Variants in ATG10 observed in about 807,000 individuals in gnomAD.
The protein encoded by ATG10 is ubiquitin-like-conjugating enzyme ATG10.
A neutral mutation model predicts 32.1 loss-of-function variants in ATG10; 30 were observed. The observed-to-expected ratio is 0.94, with a 90% CI of 0.70 to 1.27. ATG10 has a LOEUF of 1.27. Among genes scored for constraint, ATG10 ranks in the 50% most tolerant of loss-of-function variants. The probability of loss-of-function intolerance (pLI) is 0.00; values close to 1 mark genes in which losing one functional copy is unlikely to be tolerated. For missense variants in ATG10, 233 were observed against 262.3 expected (o/e 0.89, Z 0.77); for synonymous variants, 87 against 91.5 (o/e 0.95, Z 0.28).
At chr5:82,049,256 G>T (rs906555355) in intron 2 of ATG10, among the ~76,000 whole-genome samples, 2 of 152,014 alleles carry the variant, frequency 1.3e-5, no homozygotes, top group Non-Finnish European at 2.9e-5. Context: ...TAGGGACGCG[G>T]ATGAAATTGG....
At chr5:82,131,411 AGTGTGACTGTTATTT>A (rs982640488) in intron 3 of ATG10, among the ~76,000 whole-genome samples, 13 of 152,296 alleles carry the variant, frequency 8.5e-5, no homozygotes, top group African/African-American at 2.9e-4. Context: ...CAGAGGTTGA[AGTGTGACTGTTATTT>A]GTGTGACATT....
chr5:82,052,688 CAGTGT>C (rs1763468547), intron 2 of ATG10, among the ~76,000 whole-genome samples: 1 of 152,116 alleles, frequency 6.6e-6, no homozygotes, highest in Non-Finnish European at 1.5e-5. Context: ...CGGATATATT[CAGTGT>C]ACACATAGCC....
At chr5:82,009,302 G>A (rs754641471) in intron 2 of ATG10, among the ~76,000 whole-genome samples, 2 of 151,676 alleles carry the variant, frequency 1.3e-5, no homozygotes, top group Admixed American at 6.6e-5. Flanking sequence ...TTTTTTTCTC[G>A]TTAAGGTAAT....
chr5:81,988,430 C>T (rs930069757), intron 2 of ATG10, among the ~76,000 whole-genome samples: 5 of 152,182 alleles, frequency 3.3e-5, no homozygotes, highest in Non-Finnish European at 5.9e-5. Context: ...TGAGCCACCA[C>T]ACCCAGCCCC....
intron 1 of ATG10, among the ~76,000 whole-genome samples, chr5:81,985,846 T>G (rs1761249393): frequency 6.6e-6 from 1 of 152,202 alleles, no homozygotes; most frequent in Non-Finnish European, 1.5e-5. Flanking sequence ...CACTGCAAGC[T>G]CCGCCTCCCG....
At chr5:82,144,136 A>G (rs982135753) in intron 3 of ATG10, among the ~76,000 whole-genome samples, 1 of 151,850 alleles carries the variant, frequency 6.6e-6, no homozygotes, top group African/African-American at 2.4e-5. Flanking sequence ...ATGTTTTCTT[A>G]TTATCCTTTT....
chr5:82,206,530 G>A lies in ATG10; in HGVS notation c.453+27943G>A, dbSNP rs572131658. 2.0e-5 allele frequency among the ~76,000 whole-genome samples: 3 copies of A among 151,672 alleles called. No homozygotes were observed. In the South Asian group the frequency reaches 6.3e-4, roughly 32 times the overall value. On this transcript the variant is annotated intron_variant, in intron 5 of 7. Transcript: ENST00000282185. ...CCAGGCTTGGTGGCATGTGCCTGTG[G>A]TCCCAGCTACTAGGGAGGCTGAGGC...
rs111836993 is a variant in ATG10 at position 82,139,990 on chromosome 5, C to T, written c.217-24409C>T. 2.2e-3 allele frequency among the ~76,000 whole-genome samples: 275 copies of T among 123,070 alleles called. 1 individual carries two copies. Among genetic ancestry groups the T allele is most frequent in the Non-Finnish European group, 2.2e-3 (123 of 56,926 alleles). 80.7% of individuals were successfully genotyped at this position (123,070 alleles called of 152,430 possible). On this transcript the variant is annotated intron_variant, in intron 3 of 7. Coordinates refer to ENST00000282185, the MANE Select transcript of ATG10 (RefSeq NM_031482.5). ...GCCGCCCCGTCAGGGAGGTGAGGGGCGCCTCTGCCCGGCCGCCCCTACTGG... is the reference window on the plus strand; with the variant it reads ...GCCGCCCCGTCAGGGAGGTGAGGGGTGCCTCTGCCCGGCCGCCCCTACTGG...
intron 3 of ATG10, among the ~76,000 whole-genome samples, chr5:82,120,186 C>T (rs999234292): frequency 3.9e-5 from 6 of 152,152 alleles, no homozygotes; most frequent in African/African-American, 1.4e-4. Flanking sequence ...TTGTTATTGA[C>T]AGTATTTCTA....
At chr5:82,187,402 T>C (rs1744491909) in intron 5 of ATG10, among the ~76,000 whole-genome samples, 2 of 150,654 alleles carry the variant, frequency 1.3e-5, no homozygotes, top group African/African-American at 4.9e-5. Context: ...TCTCAGCTAC[T>C]TGGGAGGGTG....
At chr5:82,054,904 A>G (rs915346110) in intron 2 of ATG10, among the ~76,000 whole-genome samples, 1 of 152,220 alleles carries the variant, frequency 6.6e-6, no homozygotes, top group Admixed American at 6.5e-5. Context: ...AGTGTAAGCT[A>G]TGATAAGTAC....
chr5:82,224,121 G>C (rs1216608305), intron 5 of ATG10, among the ~76,000 whole-genome samples: 1 of 152,182 alleles, frequency 6.6e-6, no homozygotes, highest in African/African-American at 2.4e-5. Flanking sequence ...TGTGTTTGCT[G>C]CTATGTATTT....
intron 5 of ATG10, among the ~76,000 whole-genome samples, chr5:82,193,929 T>C (rs924320053): frequency 2.0e-5 from 3 of 152,184 alleles, no homozygotes; most frequent in Non-Finnish European, 4.4e-5. Context: ...GAGAATTAAG[T>C]CGTAACTTTA....
At chr5:82,081,794 A>G (rs982098550) in intron 3 of ATG10, among the ~76,000 whole-genome samples, 9 of 152,170 alleles carry the variant, frequency 5.9e-5, no homozygotes, top group African/African-American at 2.2e-4. Flanking sequence ...ATCGATGTTC[A>G]TCAGGGATAT....
chr5:82,139,324 C>G (rs1395353152), intron 3 of ATG10, among the ~76,000 whole-genome samples: 3 of 149,576 alleles, frequency 2.0e-5, no homozygotes, highest in African/African-American at 7.4e-5. Context: ...TGTGAGGAGC[C>G]CCTCTGCCTG....
At chr5:82,052,337 T>C (rs1481271186) in intron 2 of ATG10, among the ~76,000 whole-genome samples, 3 of 152,152 alleles carry the variant, frequency 2.0e-5, no homozygotes, top group Admixed American at 6.6e-5. Context: ...CAGCTTGTAC[T>C]AAAACAGACC....
intron 3 of ATG10, among the ~76,000 whole-genome samples, chr5:82,162,137 A>T (rs976639180): frequency 6.6e-6 from 1 of 152,148 alleles, no homozygotes; most frequent in African/African-American, 2.4e-5. Flanking sequence ...GTGCAGACAT[A>T]TATATTTATC....
At chr5:82,099,982 C>A (rs371314255) in intron 3 of ATG10, among the ~76,000 whole-genome samples, 4 of 79,162 alleles carry the variant, frequency 5.1e-5, no homozygotes, top group African/African-American at 2.0e-4. Flanking sequence ...TTTCTGATTT[C>A]TTTCTTTCTT....
chr5:81,988,882 T>G (rs903493939), intron 2 of ATG10, among the ~76,000 whole-genome samples: 1 of 152,178 alleles, frequency 6.6e-6, no homozygotes. Context: ...CAGGCTGGAG[T>G]GCAGTGGCAT....
Sources: gnomAD v4.1 joint callset for allele counts (sites outside exome capture counted in the v4.1 genomes callset) on GRCh38, gnomAD v4.1.1 for gene constraint, MANE v1.5 for transcripts, NCBI Gene and HGNC (gene_info 2026-07-23, HGNC 2026-07-21) for gene names.